Variants in LIFR observed in about 807,000 individuals in gnomAD.
LIFR encodes the protein LIF receptor subunit alpha.
LIFR carries 84 observed loss-of-function variants against 122.2 expected under a neutral mutation model. The ratio of observed to expected loss-of-function variants is 0.69; its 90% CI spans 0.58 to 0.82. LIFR has a LOEUF of 0.82. LIFR is among the 40% of genes least tolerant of loss of function. LIFR has a pLI of 0.00. For synonymous variants in LIFR, 422 were observed against 434.7 expected, an observed-to-expected ratio of 0.97 and a Z score of 0.36; for missense variants, 1,294 against 1,311.6, an observed-to-expected ratio of 0.99 and a Z score of 0.21.
At position 38,476,792 on chromosome 5, in the gene LIFR, GT is replaced by G; in HGVS notation, c.*4802del. On this transcript the variant is annotated 3_prime_UTR_variant, in exon 20 of 20. Coordinates refer to ENST00000453190, the MANE Select transcript of LIFR (RefSeq NM_001127671.2). ...ACTTACACATAAAAACATTCAGAGG[GT>G]TTTCCCCTTAACACACAACTTTTAA... is the stretch of plus-strand genomic sequence containing the variant. 1 of 211,758 alleles carries G rather than the reference GT, an allele frequency of 4.7e-6. No homozygotes were observed. The highest frequency in any genetic ancestry group is 9.6e-6 in the Non-Finnish European group (1 of 104,562). 13.1% of individuals were successfully genotyped at this position (211,758 alleles called of 1,614,324 possible).
intron 9 of LIFR, among the ~76,000 whole-genome samples, chr5:38,505,400 C>CCA (rs1469175768): frequency 4.7e-5 from 4 of 84,534 alleles, no homozygotes; most frequent in African/African-American, 1.5e-4. Context: ...TTGCATAGAA[C>CCA]TACACACACA....
chr5:38,507,701 T>C (rs925433022), intron 7 of LIFR, among the ~76,000 whole-genome samples: 1 of 152,032 alleles, frequency 6.6e-6, no homozygotes, highest in Non-Finnish European at 1.5e-5. Flanking sequence ...TTATCCAAAC[T>C]ATCTTTCACT....
At chr5:38,507,253 T>A (rs78406978) in intron 7 of LIFR, among the ~76,000 whole-genome samples, 1 of 151,596 alleles carries the variant, frequency 6.6e-6, no homozygotes, top group Non-Finnish European at 1.5e-5. Flanking sequence ...TTTTTTTTTT[T>A]AAGACGAGAC....
chr5:38,523,996 A>C (rs566224662), intron 4 of LIFR, among the ~76,000 whole-genome samples: 11 of 152,340 alleles, frequency 7.2e-5, no homozygotes, highest in Admixed American at 6.5e-4. Context: ...TACAAACAGC[A>C]ACTAGGTTTC....
chr5:38,602,550 T>C (rs562077000), intron 2 of LIFR, among the ~76,000 whole-genome samples: 1 of 152,286 alleles, frequency 6.6e-6, no homozygotes, highest in Admixed American at 6.5e-5. Context: ...TATACCTGTT[T>C]TCCAGCATTA....
intron 7 of LIFR, among the ~76,000 whole-genome samples, chr5:38,508,278 C>A (rs1000593373): frequency 1.3e-5 from 2 of 151,930 alleles, no homozygotes; most frequent in African/African-American, 4.8e-5. Context: ...ATAGAAAATG[C>A]AATTTAAAAA....
rs140355216 is a variant in LIFR at position 38,522,393 on chromosome 5, G to C, written c.561+1026C>G. 1.5e-3 allele frequency among the ~76,000 whole-genome samples: 223 copies of C among 152,314 alleles called. 1 individual carries two copies. In the South Asian group the frequency reaches 0.017, roughly 12 times the overall value. Reference sequence around the variant, plus strand: ...ATGCTCTCTCTAGGATGATCTATTTGAAGTGTGAAGATCTACTATTCCCTA... The same window carrying C: ...ATGCTCTCTCTAGGATGATCTATTTCAAGTGTGAAGATCTACTATTCCCTA... On this transcript the variant is annotated intron_variant, in intron 5 of 19. Coordinates refer to ENST00000453190, the MANE Select transcript of LIFR (RefSeq NM_001127671.2).
chr5:38,476,789 A>C lies in LIFR; in HGVS notation c.*4806T>G. 4.7e-6 allele frequency: 1 copy of C among 211,658 alleles called. No individual in the cohort carries two copies. The highest frequency in any genetic ancestry group is 9.6e-6 in the Non-Finnish European group (1 of 104,456). The allele number at this position is 211,658 out of a possible 1,614,324, so 13.1% of individuals were successfully genotyped here. A position where few individuals can be genotyped will look rare whatever the true frequency, so the allele number is the denominator to read the frequency against. The stretch of plus-strand genomic sequence containing the variant: ...GGCACTTACACATAAAAACATTCAG[A>C]GGGTTTTCCCCTTAACACACAACTT... On this transcript the variant is annotated 3_prime_UTR_variant, in exon 20 of 20. Transcript: ENST00000453190.
chr5:38,590,426 A>G (rs555484838), intron 1 of LIFR, among the ~76,000 whole-genome samples: 1 of 152,298 alleles, frequency 6.6e-6, no homozygotes, highest in African/African-American at 2.4e-5. Context: ...TCATTTGGGT[A>G]TCTCCTTTGA....
chr5:38,604,735 T>C (rs1416916535), intron 2 of LIFR, among the ~76,000 whole-genome samples: 2 of 152,018 alleles, frequency 1.3e-5, no homozygotes, highest in Non-Finnish European at 2.9e-5. Flanking sequence ...AAGTTTATTT[T>C]GCTAAGATGA....
At chr5:38,528,633 A>G (rs1256628756) in intron 3 of LIFR, 93 bp downstream of exon 3, 2 of 808,608 alleles carry the variant, frequency 2.5e-6, no homozygotes, top group East Asian at 2.7e-5. Context: ...AGCAGGAAAT[A>G]ACCCTTTAGT....
At chr5:38,539,613 T>C (rs752500158) in intron 1 of LIFR, among the ~76,000 whole-genome samples, 8 of 152,114 alleles carry the variant, frequency 5.3e-5, no homozygotes, top group African/African-American at 9.7e-5. Flanking sequence ...ATGAACCTGT[T>C]TGCTATACAA....
chr5:38,504,222 T>A, intron 9 of LIFR, 101 bp from the exon 10 acceptor site: 1 of 830,016 alleles, frequency 1.2e-6, no homozygotes, highest in Middle Eastern at 3.6e-4. Context: ...CGAGGCATCA[T>A]TAGTGCTGAC....
At position 38,571,724 on chromosome 5, in the gene LIFR, A is replaced by C. The variant is rs1749219995; in HGVS notation, c.-20+23537T>G. On this transcript the variant is annotated intron_variant, in intron 1 of 19. Transcript: ENST00000263409. ...TGAGATGTTAAGCATAAAGTGAAAAAATATCCCATGGTCAATGAATTTGGA... is the reference window on the plus strand; with the variant it reads ...TGAGATGTTAAGCATAAAGTGAAAACATATCCCATGGTCAATGAATTTGGA... 2.0e-5 allele frequency among the ~76,000 whole-genome samples: 3 copies of C among 152,282 alleles called. No individual in the cohort carries two copies. The South Asian group carries it at 6.2e-4, about 32-fold the overall frequency.
intron 1 of LIFR, among the ~76,000 whole-genome samples, chr5:38,539,627 T>A (rs1285211107): frequency 6.6e-6 from 1 of 152,076 alleles, no homozygotes; most frequent in African/African-American, 2.4e-5. Context: ...TATACAAAAA[T>A]TCATTAATAA....
chr5:38,560,030 C>T (rs1748773248), upstream of LIFR, among the ~76,000 whole-genome samples: 2 of 152,200 alleles, frequency 1.3e-5, no homozygotes, highest in South Asian at 2.1e-4. Context: ...GAAACAGCAA[C>T]CTTGAGTTGA....
At position 38,606,566 on chromosome 5, in the gene LIFR, C is replaced by T. The variant is rs982484185; in HGVS notation, n.204-260G>A. ...TGCGAGCACAAATTATCTATATTGC[C>T]GGCACCTACTGTTTAAAAATAGTAA... On this transcript the variant is annotated intron_variant and non_coding_transcript_variant, in intron 1 of 3. Transcript: ENST00000507786. Among the ~76,000 whole-genome samples the T allele has an allele frequency of 6.6e-5, 10 of 152,252 alleles. No individual in the cohort carries two copies. In the East Asian group the frequency reaches 1.3e-3, roughly 21 times the overall value.
intron 1 of LIFR, chr5:38,555,148 T>TA (rs1748448328): frequency 6.6e-6 from 1 of 152,196 alleles, no homozygotes; most frequent in African/African-American, 2.4e-5. Context: ...CCCCCGACTA[T>TA]AAAGCATAAA....
chr5:38,474,707 T>C lies in LIFR; in HGVS notation c.*6888A>G, dbSNP rs1012457488. Among the ~76,000 whole-genome samples, 12 of 152,234 alleles carry C rather than the reference T, an allele frequency of 7.9e-5. No homozygotes were observed. Among genetic ancestry groups the C allele is most frequent in the African/African-American group, 2.4e-4 (10 of 41,460 alleles). ...AGTATTTATTATTTATTTGCTAATG[T>C]TGGATTCCCACTATTTGATTATTTT... On this transcript the variant is annotated 3_prime_UTR_variant, in exon 20 of 20. Coordinates refer to ENST00000453190, the MANE Select transcript of LIFR (RefSeq NM_001127671.2).
Sources: gnomAD v4.1 joint callset for allele counts (sites outside exome capture counted in the v4.1 genomes callset) on GRCh38, gnomAD v4.1.1 for gene constraint, MANE v1.5 for transcripts, NCBI Gene and HGNC (gene_info 2026-07-23, HGNC 2026-07-21) for gene names.